Variants in HSD17B2 observed in about 807,000 individuals in gnomAD.
The protein encoded by HSD17B2 is 17-beta-hydroxysteroid dehydrogenase type 2.
Under a neutral mutation model 26.9 loss-of-function variants are expected in HSD17B2, and 32 were observed. The observed-to-expected ratio is 1.19, with a 90% CI of 0.90 to 1.60. The LOEUF (loss-of-function observed/expected upper bound fraction) is 1.60, where lower values mean the gene tolerates loss of function less well. Among genes scored for constraint, HSD17B2 ranks in the 40% most tolerant of loss-of-function variants. HSD17B2 has a pLI of 0.00. For missense variants in HSD17B2, 613 were observed against 468.6 expected (o/e 1.31, Z -2.85); for synonymous variants, 246 against 186.7 (o/e 1.32, Z -2.59).
At chr16:82,067,035 C>A (rs1411362858) in intron 1 of HSD17B2, among the ~76,000 whole-genome samples, 1 of 152,176 alleles carries the variant, frequency 6.6e-6, no homozygotes, top group Non-Finnish European at 1.5e-5. Flanking sequence ...TTTAGTCCTG[C>A]ACATGTTTAT....
chr16:82,053,989 A>C (rs1209146595), intron 1 of HSD17B2, among the ~76,000 whole-genome samples: 2 of 152,178 alleles, frequency 1.3e-5, no homozygotes, highest in African/African-American at 4.8e-5. Flanking sequence ...TCATTAAGTC[A>C]AGAGATTATG....
At position 82,041,268 on chromosome 16, in the gene HSD17B2, T is replaced by C. The variant is rs143304166; in HGVS notation, c.265+5579T>C. On this transcript the variant is annotated intron_variant, in intron 1 of 4. Coordinates refer to ENST00000199936, the MANE Select transcript of HSD17B2 (RefSeq NM_002153.3). ...TGTTAATGAGCGAATGCACAGTGAG[T>C]GAACCAACCATGTGGGTGAAACGTC... 4.1e-3 allele frequency among the ~76,000 whole-genome samples: 618 copies of C among 152,298 alleles called. 2 individuals carry two copies. Among genetic ancestry groups the C allele is most frequent in the African/African-American group, 0.014 (596 of 41,568 alleles).
intron 3 of HSD17B2, among the ~76,000 whole-genome samples, chr16:82,084,194 A>C (rs774311019): frequency 5.6e-4 from 85 of 152,232 alleles, no homozygotes; most frequent in Non-Finnish European, 9.6e-4. Flanking sequence ...GTAGCACCTG[A>C]GTCCAGGGCA....
intron 3 of HSD17B2, among the ~76,000 whole-genome samples, chr16:82,084,604 C>T (rs1470915935): frequency 1.3e-5 from 2 of 152,176 alleles, no homozygotes; most frequent in South Asian, 4.2e-4. Flanking sequence ...GAAAACAATT[C>T]TAATTGTACA....
chr16:82,047,416 C>T (rs1232556459), intron 1 of HSD17B2, among the ~76,000 whole-genome samples: 1 of 152,226 alleles, frequency 6.6e-6, no homozygotes, highest in Non-Finnish European at 1.5e-5. Context: ...TTCGTTATTT[C>T]ACCAACACTT....
chr16:82,073,318 G>A (rs954629352), intron 3 of HSD17B2, among the ~76,000 whole-genome samples: 11 of 151,536 alleles, frequency 7.3e-5, no homozygotes, highest in Admixed American at 2.0e-4. Context: ...TCCGCCTCCC[G>A]GGTTCACGCC....
chr16:82,056,922 C>G (rs1324408843), intron 1 of HSD17B2, among the ~76,000 whole-genome samples: 3 of 152,146 alleles, frequency 2.0e-5, no homozygotes, highest in African/African-American at 7.2e-5. Context: ...AGCTTGGTTT[C>G]CTCACCTGTA....
intron 1 of HSD17B2, among the ~76,000 whole-genome samples, chr16:82,053,892 T>C (rs142809543): frequency 1.8e-3 from 271 of 152,316 alleles, no homozygotes; most frequent in African/African-American, 6.2e-3. Flanking sequence ...TGCATAACCA[T>C]AGATAGAAGT....
chr16:82,080,684 C>A (rs1567590271), intron 3 of HSD17B2, among the ~76,000 whole-genome samples: 1 of 152,174 alleles, frequency 6.6e-6, no homozygotes, highest in Non-Finnish European at 1.5e-5. Flanking sequence ...TATAACAAAT[C>A]ACATGCACCT....
chr16:82,035,612 T>C lies in HSD17B2; in HGVS notation c.188T>C (p.Val63Ala), dbSNP rs748526186. 1.2e-6 allele frequency: 2 copies of C among 1,613,970 alleles called. No individual in the cohort carries two copies. The highest frequency in any genetic ancestry group is 8.5e-7 in the Non-Finnish European group (1 of 1,180,044). Residue 63 changes from valine to alanine, a missense_variant, in exon 1 of 5, where the codon GTG (valine) becomes GCG (alanine). By Grantham distance (64) the Val-to-Ala change is moderately conservative. Transcript: ENST00000199936. Reference protein sequence around the residue: ...SPFWGLILFSVSCFLMYTYLS... With the variant: ...SPFWGLILFSASCFLMYTYLS... Reference sequence around the variant, plus strand: ...TTTTGGGGCTTGATCCTCTTCTCGGTGTCATGCTTCCTCATGTATACTTAC... The same window carrying C: ...TTTTGGGGCTTGATCCTCTTCTCGGCGTCATGCTTCCTCATGTATACTTAC...
chr16:82,078,847 T>C (rs555514462), intron 3 of HSD17B2, among the ~76,000 whole-genome samples: 114 of 151,878 alleles, frequency 7.5e-4, no homozygotes, highest in Non-Finnish European at 1.2e-3. Context: ...GGAGATAGAG[T>C]AGAAGGATGG....
In HSD17B2 at chr16:82,035,313, T is replaced by C; in HGVS notation, c.-112T>C. ...CAGTTGAAAGGGGCTGGGGCTGCTT[T>C]CTCCCCTCCCTTCTTGACTCTCTGT... is the stretch of plus-strand genomic sequence containing the variant. On this transcript the variant is annotated 5_prime_UTR_variant, in exon 1 of 5. Transcript: ENST00000199936. 1 of 980,260 alleles carries C rather than the reference T, an allele frequency of 1.0e-6. No homozygotes were observed. Among genetic ancestry groups the C allele is most frequent in the Admixed American group, 2.3e-5 (1 of 43,042 alleles). 60.7% of individuals were successfully genotyped at this position (980,260 alleles called of 1,614,324 possible).
intron 1 of HSD17B2, among the ~76,000 whole-genome samples, chr16:82,063,548 CA>C (rs200549604): frequency 9.3e-5 from 14 of 150,386 alleles, no homozygotes; most frequent in Admixed American, 4.0e-4. Flanking sequence ...TACTGCCAAA[CA>C]AAAAAAAACC....
At chr16:82,094,494 T>A (rs66737539) in intron 4 of HSD17B2, 2,616 of 152,230 alleles carry the variant, frequency 0.017, 38 homozygotes, top group Middle Eastern at 0.044. Context: ...TACACCGTGA[T>A]GGTGGAAAAT....
chr16:82,087,054 C>A (rs1431825836), intron 3 of HSD17B2, among the ~76,000 whole-genome samples: 2 of 152,116 alleles, frequency 1.3e-5, no homozygotes, highest in Non-Finnish European at 1.5e-5. Context: ...TCCTCATTTC[C>A]AAATACAGCT....
At position 82,072,484 on chromosome 16, in the gene HSD17B2, C is replaced by G. The variant is rs8191178; in HGVS notation, c.664+1357C>G. On this transcript the variant is annotated intron_variant, in intron 3 of 4. Transcript: ENST00000199936. The stretch of plus-strand genomic sequence containing the variant: ...TACTTCTGGGAACGTCTCACAGACT[C>G]TTTGCCTCACTTATATAATAAATAT... Among the ~76,000 whole-genome samples the G allele has an allele frequency of 8.0e-3, 1,214 of 152,274 alleles. 17 individuals are homozygous for G. Among genetic ancestry groups the G allele is most frequent in the African/African-American group, 0.028 (1,161 of 41,544 alleles).
At chr16:82,051,362 C>T (rs1410437621) in intron 1 of HSD17B2, among the ~76,000 whole-genome samples, 2 of 152,208 alleles carry the variant, frequency 1.3e-5, no homozygotes, top group Non-Finnish European at 1.5e-5. Context: ...GAGAGATTAT[C>T]TAGCAGTGCA....
At chr16:82,041,097 T>C (rs547689980) in intron 1 of HSD17B2, among the ~76,000 whole-genome samples, 1 of 152,314 alleles carries the variant, frequency 6.6e-6, no homozygotes, top group Admixed American at 6.5e-5. Flanking sequence ...TCAGGCATTA[T>C]AGATGGAGTG....
intron 3 of HSD17B2, among the ~76,000 whole-genome samples, chr16:82,084,260 G>C (rs991966509): frequency 3.9e-5 from 6 of 152,036 alleles, no homozygotes; most frequent in African/African-American, 1.4e-4. Flanking sequence ...CTTTCTGTAA[G>C]GGCACTGTCC....
Sources: gnomAD v4.1 joint callset for allele counts (sites outside exome capture counted in the v4.1 genomes callset) on GRCh38, gnomAD v4.1.1 for gene constraint, MANE v1.5 for transcripts, NCBI Gene and HGNC (gene_info 2026-07-23, HGNC 2026-07-21) for gene names.